EML4: variants seen among roughly 807,000 people sequenced by gnomAD.
The protein encoded by EML4 is EMAP like 4.
A neutral mutation model predicts 129.0 loss-of-function variants in EML4; 72 were observed. The observed-to-expected ratio is 0.56, with a 90% CI of 0.46 to 0.68. The LOEUF is 0.68. Among genes scored for constraint, EML4 ranks in the 30% least tolerant of loss-of-function variants. The probability of loss-of-function intolerance (pLI) is 0.00; values close to 1 mark genes in which losing one functional copy is unlikely to be tolerated. For synonymous variants in EML4, 532 were observed against 405.0 expected, an observed-to-expected ratio of 1.31 and a Z score of -3.77; for missense variants, 1,363 against 1,190.6, an observed-to-expected ratio of 1.14 and a Z score of -2.13.
chr2:42,329,829 C>G lies in EML4; in HGVS notation c.2568C>G (p.Asp856Glu). 2 of 1,614,150 alleles carry G rather than the reference C, an allele frequency of 1.2e-6. No homozygotes were observed. Among genetic ancestry groups the G allele is most frequent in the Non-Finnish European group, 1.7e-6 (2 of 1,180,010 alleles). The stretch of plus-strand genomic sequence containing the variant: ...ACCTGATATCAACTGGTGGAAAAGA[C>G]ATGAGCATCATTCAGTGGAAACTTG... ...DSHLISTGGK[D>E]MSIIQWKLVE... Residue 856 changes from aspartate (D) to glutamate (E), a missense_variant, in exon 23 of 23, where the codon GAC becomes GAG. By Grantham distance (45) the Asp-to-Glu change is conservative. Coordinates refer to ENST00000318522, the MANE Select transcript of EML4 (RefSeq NM_019063.5).
At chr2:42,169,761 C>T (rs1210939810) in intron 1 of EML4, 125 bp downstream of exon 1, 8 of 1,074,640 alleles carry the variant, frequency 7.4e-6, no homozygotes, top group Non-Finnish European at 9.0e-6. Context: ...TGCACATGTT[C>T]CCTTCGAGGC....
chr2:42,181,673 A>G (rs927892836), intron 1 of EML4, among the ~76,000 whole-genome samples: 1 of 152,178 alleles, frequency 6.6e-6, no homozygotes, highest in Non-Finnish European at 1.5e-5. Flanking sequence ...TTTGGCAAGT[A>G]GATACCCCTC....
At chr2:42,326,614 G>C (rs1669823086) in intron 21 of EML4, among the ~76,000 whole-genome samples, 1 of 152,220 alleles carries the variant, frequency 6.6e-6, no homozygotes. Context: ...GGGCGCAGTG[G>C]CTCACACCTG....
At chr2:42,304,642 C>T (rs1668490915) in intron 17 of EML4, 91 bp downstream of exon 17, 6 of 967,962 alleles carry the variant, frequency 6.2e-6, no homozygotes, top group Admixed American at 1.7e-5. Flanking sequence ...GAGAATTAAT[C>T]TCTTAAGTGG....
intron 1 of EML4, among the ~76,000 whole-genome samples, chr2:42,181,818 A>G (rs1670961402): frequency 6.6e-6 from 1 of 152,112 alleles, no homozygotes; most frequent in Non-Finnish European, 1.5e-5. Flanking sequence ...ATTTTTGCCA[A>G]GGAGCCCTAG....
rs1572769761 is a variant in EML4 at position 42,328,919 on chromosome 2, T to C, written c.2375T>C (p.Ile792Thr). The C allele has an allele frequency of 1.2e-6, 2 of 1,613,522 alleles. No homozygotes were observed. Among genetic ancestry groups the C allele is most frequent in the Non-Finnish European group, 1.7e-6 (2 of 1,179,690 alleles). ...CCAGAAGGATCTGATGGGACAGATA[T>C]CAATGCACTGGTGCGATCCCACAAT... ...VWPEGSDGTD[I>T]NALVRSHNRK... The change falls in exon 22 of 23, where the codon ATC becomes ACC. Residue 792 changes from isoleucine to threonine, a missense_variant. Transcript: ENST00000318522.
intron 5 of EML4, 95 bp from the exon 6 acceptor site, chr2:42,264,611 C>G (rs35132936): frequency 2.7e-6 from 2 of 750,576 alleles, no homozygotes; most frequent in Non-Finnish European, 2.2e-6. Context: ...AGATTATAGC[C>G]TAAGCATTAA....
chr2:42,285,815 G>A (rs1667273324), intron 9 of EML4: 1 of 159,710 alleles, frequency 6.3e-6, no homozygotes, highest in South Asian at 1.7e-4. Context: ...TAGCCAGGAT[G>A]GTCTTAATCT....
intron 2 of EML4, among the ~76,000 whole-genome samples, chr2:42,248,083 A>T (rs1013968128): frequency 2.0e-5 from 3 of 152,048 alleles, no homozygotes; most frequent in Non-Finnish European, 4.4e-5. Context: ...AGTGGTCCTC[A>T]TTCCTCAGCC....
At chr2:42,210,290 G>T (rs995781814) in intron 1 of EML4, among the ~76,000 whole-genome samples, 3 of 152,022 alleles carry the variant, frequency 2.0e-5, no homozygotes, top group Admixed American at 6.6e-5. Context: ...GTATATTGTA[G>T]CAGCTTTGGT....
intron 20 of EML4, 83 bp downstream of exon 20, chr2:42,325,637 T>TATATATATATATATATATATATGC (rs1553397129): frequency 4.4e-5 from 9 of 204,850 alleles, no homozygotes; most frequent in Admixed American, 2.2e-4. Context: ...TATATATATA[T>TATATATATATATATATATATATGC]ATGCTAAGAT....
chr2:42,173,382 G>GT (rs1670388427), intron 1 of EML4, among the ~76,000 whole-genome samples: 1 of 152,080 alleles, frequency 6.6e-6, no homozygotes, highest in Non-Finnish European at 1.5e-5. Flanking sequence ...GACATGAGTA[G>GT]TAACTCTTAA....
At chr2:42,228,685 T>C (rs1280285419) in intron 1 of EML4, among the ~76,000 whole-genome samples, 1 of 152,220 alleles carries the variant, frequency 6.6e-6, no homozygotes, top group Non-Finnish European at 1.5e-5. Flanking sequence ...TTTTCTCTCC[T>C]GGTAAAAATT....
intron 19 of EML4, among the ~76,000 whole-genome samples, chr2:42,324,706 C>G (rs1191138115): frequency 6.6e-6 from 1 of 152,228 alleles, no homozygotes; most frequent in African/African-American, 2.4e-5. Flanking sequence ...ATTCAAGTCT[C>G]TGTCAGCTTT....
At chr2:42,277,488 T>G (rs1028241307) in intron 6 of EML4, among the ~76,000 whole-genome samples, 2 of 152,142 alleles carry the variant, frequency 1.3e-5, no homozygotes, top group Admixed American at 1.3e-4. Flanking sequence ...CTTAGCCTGT[T>G]CTTAGATCAA....
chr2:42,264,842 G>C (rs1348686112), intron 6 of EML4, 111 bp downstream of exon 6: 1 of 1,459,682 alleles, frequency 6.9e-7, no homozygotes, highest in African/African-American at 1.4e-5. Context: ...AGTAATCAAA[G>C]AAAAGTGCGT....
intron 1 of EML4, among the ~76,000 whole-genome samples, chr2:42,188,188 C>G (rs1671374308): frequency 6.6e-6 from 1 of 152,136 alleles, no homozygotes; most frequent in South Asian, 2.1e-4. Context: ...ATGTCAGTCT[C>G]TGTTTGTCAC....
intron 14 of EML4, 117 bp downstream of exon 14, chr2:42,301,509 C>G: frequency 2.4e-6 from 2 of 825,956 alleles, no homozygotes. Context: ...AATTTCATTT[C>G]CTTTCCTCAA....
rs746124962 is a variant in EML4, at chr2:42,169,608, CA to C, written c.-2del. The C allele has an allele frequency of 1.3e-6, 2 of 1,599,598 alleles. No individual in the cohort carries two copies. The highest frequency in any genetic ancestry group is 2.2e-5 in the South Asian group (2 of 90,074). The stretch of plus-strand genomic sequence containing the variant: ...AGCCCGGAGCCCGGCGCTTTCCCCG[CA>C]AGATGGACGGTTTCGCCGGCAGTCT... On this transcript the variant is annotated 5_prime_UTR_variant, in exon 1 of 23. Coordinates refer to ENST00000318522, the MANE Select transcript of EML4 (RefSeq NM_019063.5).
Sources: allele counts gnomAD v4.1 joint callset (sites outside exome capture counted in the v4.1 genomes callset), GRCh38; gene constraint gnomAD v4.1.1; transcripts MANE v1.5; gene names NCBI Gene and HGNC (gene_info 2026-07-23, HGNC 2026-07-21).